Variants in CFAP43 observed in about 807,000 individuals in gnomAD.
The protein encoded by CFAP43 is cilia and flagella associated protein 43.
Under a neutral mutation model 218.9 loss-of-function variants are expected in CFAP43, and 155 were observed. That is an observed-to-expected ratio of 0.71 (90% CI 0.62 to 0.81). The LOEUF is 0.81. Among genes scored for constraint, CFAP43 ranks in the 30% least tolerant of loss-of-function variants. CFAP43 has a pLI of 0.00. For missense variants in CFAP43, 1,778 were observed against 1,954.3 expected (o/e 0.91, Z 1.70); for synonymous variants, 645 against 681.3 (o/e 0.95, Z 0.83).
chr10:104,218,830 A>G lies in CFAP43; in HGVS notation c.417-4404T>C, dbSNP rs369888422. ...CTAGGGTGTTGCCCTCATCTCTACT[A>G]TTTAACCCATTATAGACCAGAGATG... On this transcript the variant is annotated intron_variant, in intron 3 of 37. Coordinates refer to ENST00000357060, the MANE Select transcript of CFAP43 (RefSeq NM_025145.7). The G allele has an allele frequency of 1.5e-5, 8 of 540,814 alleles. No individual in the cohort carries two copies. In the African/African-American group the frequency reaches 1.5e-4, roughly 10 times the overall value. The allele number at this position is 540,814 out of a possible 1,614,324, so 33.5% of individuals were successfully genotyped here. A position where few individuals can be genotyped will look rare whatever the true frequency, so the allele number is the denominator to read the frequency against.
rs76250062 is a variant in CFAP43, at chr10:104,201,057, A to C, written c.1095+2615T>G. Among the ~76,000 whole-genome samples the C allele has an allele frequency of 5.1e-4, 78 of 152,356 alleles. 2 individuals carry two copies. The East Asian group carries it at 0.014, about 27-fold the overall frequency. On this transcript the variant is annotated intron_variant, in intron 8 of 37. Coordinates refer to ENST00000357060, the MANE Select transcript of CFAP43 (RefSeq NM_025145.7). ...GTTTATTCTATCATGTAATGAAAGA[A>C]GTGTATTAAAATGTTCCATTAATAT...
At position 104,131,324 on chromosome 10, in the gene CFAP43, T is replaced by C; in HGVS notation, c.4831+7A>G. 8 of 1,606,102 alleles carry C rather than the reference T, an allele frequency of 5.0e-6. No homozygotes were observed. Among genetic ancestry groups the C allele is most frequent in the Non-Finnish European group, 6.8e-6 (8 of 1,178,306 alleles). Reference sequence around the variant, plus strand: ...ACAGTTGGTTAAAGAAAAAAAAGCATGCTTACCCATTGCATTACAGATGTC... The same window carrying C: ...ACAGTTGGTTAAAGAAAAAAAAGCACGCTTACCCATTGCATTACAGATGTC... On this transcript the variant is annotated splice_region_variant and intron_variant, in intron 37 of 37. Transcript: ENST00000357060.
At chr10:104,143,879 G>A (rs1241818482) in intron 31 of CFAP43, among the ~76,000 whole-genome samples, 1 of 152,182 alleles carries the variant, frequency 6.6e-6, no homozygotes, top group Admixed American at 6.5e-5. Context: ...TGTCAGCACT[G>A]ACAGACAATT....
chr10:104,220,348 G>A (rs550152082), intron 3 of CFAP43, among the ~76,000 whole-genome samples: 1 of 152,224 alleles, frequency 6.6e-6, no homozygotes, highest in Non-Finnish European at 1.5e-5. Context: ...CTTTGCTATG[G>A]CAGGCCTAGC....
chr10:104,157,591 T>C (rs967297633), intron 27 of CFAP43, among the ~76,000 whole-genome samples: 2 of 152,122 alleles, frequency 1.3e-5, no homozygotes, highest in African/African-American at 4.8e-5. Flanking sequence ...ATGTACATTG[T>C]AGGACTGAGC....
intron 12 of CFAP43, 87 bp from the exon 13 acceptor site, chr10:104,188,497 G>A (rs2134898573): frequency 6.7e-7 from 1 of 1,494,602 alleles, no homozygotes; most frequent in Non-Finnish European, 9.0e-7. Context: ...ATCATCCATG[G>A]ACTTGCCTTC....
intron 27 of CFAP43, among the ~76,000 whole-genome samples, chr10:104,155,959 G>A (rs115182809): frequency 1.6e-3 from 246 of 152,220 alleles, no homozygotes; most frequent in African/African-American, 5.9e-3. Flanking sequence ...ATAAAGCCTG[G>A]GAAAGGTGAC....
At chr10:104,227,234 T>G (rs1312903192) in intron 2 of CFAP43, among the ~76,000 whole-genome samples, 1 of 152,208 alleles carries the variant, frequency 6.6e-6, no homozygotes, top group Non-Finnish European at 1.5e-5. Flanking sequence ...TCCAACCTTG[T>G]GCTATTATCA....
chr10:104,200,866 T>C (rs866349196), intron 8 of CFAP43, among the ~76,000 whole-genome samples: 74 of 152,052 alleles, frequency 4.9e-4, no homozygotes, highest in Middle Eastern at 3.4e-3. Flanking sequence ...TTCACAGTAG[T>C]AGCAGATAAG....
Position 104,132,142 on chromosome 10 carries a change from C to T in CFAP43, c.4651G>A (p.Glu1551Lys). 1.2e-6 allele frequency: 2 copies of T among 1,604,272 alleles called. No homozygotes were observed. Among genetic ancestry groups the T allele is most frequent in the South Asian group, 1.1e-5 (1 of 88,258 alleles). Residue 1551 changes from glutamate (E) to lysine (K), a missense_variant, in exon 36 of 38, where the codon GAA (glutamate) becomes AAA (lysine). By Grantham distance (56) the Glu-to-Lys change is moderately conservative (BLOSUM62 1). Transcript: ENST00000357060. ...TTATCTAAAACAGCAATGGTTTGTT[C>T]CATTATTCCAATCTGAATACTAATC... ...ALISIQIGIM[E>K]QTIAVLDKMH...
At chr10:104,201,619 C>A (rs79228804) in intron 8 of CFAP43, among the ~76,000 whole-genome samples, 13,674 of 152,088 alleles carry the variant, frequency 0.09, 679 homozygotes, top group Middle Eastern at 0.17. Flanking sequence ...TCTGCCCCCC[C>A]CAACTTATAT....
At chr10:104,167,840 G>A in intron 21 of CFAP43, 103 bp from the exon 22 acceptor site, 2 of 732,932 alleles carry the variant, frequency 2.7e-6, no homozygotes, top group Non-Finnish European at 2.2e-6. Context: ...TTAACCCATA[G>A]GTTATCATGT....
In CFAP43 at chr10:104,205,950, AAG is replaced by A; in HGVS notation, c.963+11_963+12del. On this transcript the variant is annotated intron_variant, in intron 7 of 37. Transcript: ENST00000357060. Reference sequence around the variant, plus strand: ...TCTTTAAACCAATTAATTTGAAAAAAAGAATACATTACAATTCCAGAAGCCAG... The same window carrying A: ...TCTTTAAACCAATTAATTTGAAAAAAAATACATTACAATTCCAGAAGCCAG... 6.2e-7 allele frequency: 1 copy of A among 1,601,304 alleles called. No homozygotes were observed. Among genetic ancestry groups the A allele is most frequent in the Non-Finnish European group, 8.5e-7 (1 of 1,175,818 alleles).
intron 7 of CFAP43, among the ~76,000 whole-genome samples, chr10:104,205,223 A>T (rs1299499824): frequency 6.6e-6 from 1 of 151,150 alleles, no homozygotes; most frequent in East Asian, 2.0e-4. Flanking sequence ...AAAAAAAAAA[A>T]AAAAAAAAAA....
chr10:104,202,933 A>G (rs1393287488), intron 8 of CFAP43, among the ~76,000 whole-genome samples: 1 of 152,188 alleles, frequency 6.6e-6, no homozygotes, highest in Non-Finnish European at 1.5e-5. Flanking sequence ...CAATTCATCT[A>G]AAATGATTGT....
chr10:104,155,659 C>T (rs937029961), intron 27 of CFAP43, among the ~76,000 whole-genome samples: 1 of 151,998 alleles, frequency 6.6e-6, no homozygotes, highest in East Asian at 1.9e-4. Flanking sequence ...CAGGAATCTC[C>T]ACCATAATAG....
chr10:104,228,078 G>A (rs1220092245), intron 2 of CFAP43, among the ~76,000 whole-genome samples: 6 of 151,974 alleles, frequency 3.9e-5, no homozygotes, highest in Non-Finnish European at 5.9e-5. Flanking sequence ...TCCTGACCTC[G>A]TGATCCACCT....
At position 104,162,061 on chromosome 10, in the gene CFAP43, A is replaced by T. The variant is rs534495503; in HGVS notation, c.3334-20T>A. ...GGCATCCTGGGAAAGAGCCAGAATC[A>T]GAGAGGAATACTGAGACAGAGACCT... On this transcript the variant is annotated intron_variant, in intron 25 of 37. Coordinates refer to ENST00000357060, the MANE Select transcript of CFAP43 (RefSeq NM_025145.7). The T allele has an allele frequency of 6.2e-7, 1 of 1,609,482 alleles. No homozygotes were observed. The highest frequency in any genetic ancestry group is 1.7e-5 in the Admixed American group (1 of 59,458).
chr10:104,159,948 A>G (rs191921149), intron 27 of CFAP43, among the ~76,000 whole-genome samples: 23 of 152,298 alleles, frequency 1.5e-4, no homozygotes, highest in African/African-American at 5.5e-4. Flanking sequence ...TGGCTAGGGG[A>G]AAAATGGAGT....
Sources: gnomAD v4.1 joint callset for allele counts (sites outside exome capture counted in the v4.1 genomes callset) on GRCh38, gnomAD v4.1.1 for gene constraint, MANE v1.5 for transcripts, NCBI Gene and HGNC (gene_info 2026-07-23, HGNC 2026-07-21) for gene names.